Variants in ZNF718 observed in about 807,000 individuals in gnomAD.
The protein encoded by ZNF718 is zinc finger protein 718.
Under a neutral mutation model 2.6 loss-of-function variants are expected in ZNF718, and 3 were observed. That is an observed-to-expected ratio of 1.16 (90% CI 0.53 to 3.01). The LOEUF (loss-of-function observed/expected upper bound fraction) is 3.01, where lower values mean the gene tolerates loss of function less well. Among genes scored for constraint, ZNF718 ranks in the 30% most tolerant of loss-of-function variants. ZNF718 has a pLI of 0.03. For synonymous variants in ZNF718, 135 were observed against 77.9 expected, an observed-to-expected ratio of 1.73 and a Z score of -3.86; for missense variants, 468 against 230.0, an observed-to-expected ratio of 2.03 and a Z score of -6.69.
chr4:134,675 G>A (rs1383593132), intron 3 of ZNF718, among the ~76,000 whole-genome samples: 2 of 151,518 alleles, frequency 1.3e-5, no homozygotes, highest in African/African-American at 4.8e-5. Flanking sequence ...TAATCTCATC[G>A]GTTAAATTTA....
At position 162,135 on chromosome 4, in the gene ZNF718, T is replaced by C. The variant is rs782069875; in HGVS notation, c.*13T>C. On this transcript the variant is annotated 3_prime_UTR_variant, in exon 4 of 4. Transcript: ENST00000510175. ...AGGAAAATTTTAGAAATGTGAAGAATGTGGGAGCCTTTAAGTCTTCCTCAG... is the reference window on the plus strand; with the variant it reads ...AGGAAAATTTTAGAAATGTGAAGAACGTGGGAGCCTTTAAGTCTTCCTCAG... 1 of 708,100 alleles carries C rather than the reference T, an allele frequency of 1.4e-6. No homozygotes were observed. Among genetic ancestry groups the C allele is most frequent in the Middle Eastern group, 2.4e-4 (1 of 4,104 alleles). The allele number at this position is 708,100 out of a possible 1,614,324, so 43.9% of individuals were successfully genotyped here.
downstream of ZNF718, among the ~76,000 whole-genome samples, chr4:166,296 G>A (rs1264875167): frequency 5.9e-5 from 9 of 152,170 alleles, no homozygotes; most frequent in Non-Finnish European, 1.2e-4. Flanking sequence ...TGTGAATAGT[G>A]CTGCGATAAA....
At chr4:148,772 A>G (rs1286845971) in intron 3 of ZNF718, among the ~76,000 whole-genome samples, 1 of 152,156 alleles carries the variant, frequency 6.6e-6, no homozygotes, top group African/African-American at 2.4e-5. Context: ...TTTATAGATC[A>G]CAGGCAGGAC....
chr4:157,103 CTTTTTTTTTTTTTT>C lies in ZNF718; in HGVS notation c.227-3794_227-3781del, dbSNP rs199814257. On this transcript the variant is annotated intron_variant, in intron 3 of 3. Coordinates refer to ENST00000510175, the MANE Select transcript of ZNF718 (RefSeq NM_001039127.6). The stretch of plus-strand genomic sequence containing the variant: ...TTTCTTTTTGTTTCTTTCTTTCTTT[CTTTTTTTTTTTTTT>C]TTTTTTTTTTTTTTCAGACAGTTCC... 4.8e-5 allele frequency among the ~76,000 whole-genome samples: 5 copies of C among 103,162 alleles called. No individual in the cohort carries two copies. The South Asian group carries it at 1.5e-3, about 31-fold the overall frequency. The allele number at this position is 103,162 out of a possible 152,430, so 67.7% of individuals were successfully genotyped here.
At chr4:193,853 C>T (rs1479028624) in intron 3 of ZNF718, among the ~76,000 whole-genome samples, 1 of 152,196 alleles carries the variant, frequency 6.6e-6, no homozygotes, top group Non-Finnish European at 1.5e-5. Flanking sequence ...CCTTCATCCC[C>T]TGGGGCAGTG....
At chr4:124,799 G>A in intron 1 of ZNF718, 126 bp downstream of exon 1, 3 of 1,305,388 alleles carry the variant, frequency 2.3e-6, no homozygotes, top group Non-Finnish European at 3.2e-6. Flanking sequence ...GTCCCCTCCG[G>A]TGAGGGACCC....
intron 3 of ZNF718, among the ~76,000 whole-genome samples, chr4:145,184 G>A (rs1715996417): frequency 1.3e-5 from 2 of 152,100 alleles, no homozygotes; most frequent in African/African-American, 4.8e-5. Flanking sequence ...TCAAACAATA[G>A]CAATATGTTT....
chr4:161,577 C>G lies in ZNF718; in HGVS notation c.892C>G (p.Leu298Val), dbSNP rs782096660. The G allele has an allele frequency of 2.6e-6, 2 of 780,878 alleles. No individual in the cohort carries two copies. The highest frequency in any genetic ancestry group is 4.8e-6 in the Non-Finnish European group (2 of 418,050). 48.4% of individuals were successfully genotyped at this position (780,878 alleles called of 1,614,324 possible). ...CGKAFKWSSS[L>V]NEHKRIHAGE... Reference sequence around the variant, plus strand: ...TAAAGCCTTTAAGTGGTCCTCATCCCTTAATGAACATAAGAGAATTCATGC... The same window carrying G: ...TAAAGCCTTTAAGTGGTCCTCATCCGTTAATGAACATAAGAGAATTCATGC... Residue 298 changes from leucine (L) to valine (V), a missense_variant, in exon 4 of 4, where the codon CTT becomes GTT. Transcript: ENST00000510175.
downstream of ZNF718, among the ~76,000 whole-genome samples, chr4:166,462 A>G (rs1413683671): frequency 6.6e-6 from 1 of 152,192 alleles, no homozygotes; most frequent in Non-Finnish European, 1.5e-5. Context: ...TTACAGTCCC[A>G]CCAACAGTGT....
At chr4:170,244 T>A (rs1376520200) in intron 3 of ZNF718, among the ~76,000 whole-genome samples, 18 of 152,166 alleles carry the variant, frequency 1.2e-4, no homozygotes, top group Non-Finnish European at 2.1e-4. Context: ...CTTCCCTTTG[T>A]GGGTAACCCG....
intron 2 of ZNF718, 129 bp from the exon 3 acceptor site, chr4:131,281 C>T (rs1424781753): frequency 0.39 from 89,591 of 227,836 alleles, 34,923 homozygotes; most frequent in East Asian, 0.91. Context: ...CAGATTCTGT[C>T]GGAAAACAAT....
intron 3 of ZNF718, among the ~76,000 whole-genome samples, chr4:181,914 T>C (rs1717473095): frequency 1.3e-5 from 2 of 152,202 alleles, no homozygotes; most frequent in South Asian, 4.1e-4. Context: ...GAACATGCAG[T>C]ATTTGGTTTT....
chr4:136,619 CA>C (rs1251046284), intron 3 of ZNF718, among the ~76,000 whole-genome samples: 1 of 152,214 alleles, frequency 6.6e-6, no homozygotes, highest in Non-Finnish European at 1.5e-5. Context: ...CAACCCTAGC[CA>C]AAGGCAAGCA....
At chr4:188,373 A>G (rs1553820678) in intron 3 of ZNF718, among the ~76,000 whole-genome samples, 1 of 152,192 alleles carries the variant, frequency 6.6e-6, no homozygotes, top group African/African-American at 2.4e-5. Context: ...CCAAGCAGCA[A>G]AGATAGTGGC....
At chr4:173,477 A>G (rs1164661285) in intron 3 of ZNF718, among the ~76,000 whole-genome samples, 1 of 152,232 alleles carries the variant, frequency 6.6e-6, no homozygotes, top group Admixed American at 6.5e-5. Context: ...TCAGCTCAGC[A>G]GTCAGAGCTC....
At chr4:172,923 T>C (rs1398325333) in intron 3 of ZNF718, among the ~76,000 whole-genome samples, 1 of 152,046 alleles carries the variant, frequency 6.6e-6, no homozygotes, top group African/African-American at 2.4e-5. Context: ...GGTGCACCTG[T>C]AGTCCCAGCT....
At chr4:170,643 C>A (rs1010419044) in intron 3 of ZNF718, among the ~76,000 whole-genome samples, 3 of 152,184 alleles carry the variant, frequency 2.0e-5, no homozygotes, top group Non-Finnish European at 2.9e-5. Context: ...ATTGAATCAG[C>A]TACTGAGGTT....
intron 3 of ZNF718, among the ~76,000 whole-genome samples, chr4:189,923 T>C (rs1553820909): frequency 6.6e-6 from 1 of 152,210 alleles, no homozygotes; most frequent in East Asian, 1.9e-4. Flanking sequence ...TTTTAAAATA[T>C]TAAGCCAACA....
At chr4:180,363 G>A (rs1402761700) in intron 3 of ZNF718, among the ~76,000 whole-genome samples, 1 of 152,204 alleles carries the variant, frequency 6.6e-6, no homozygotes, top group East Asian at 1.9e-4. Flanking sequence ...TAGGCAGAAT[G>A]ATCAGTCTAG....
Sources: allele counts gnomAD v4.1 joint callset (sites outside exome capture counted in the v4.1 genomes callset), GRCh38; gene constraint gnomAD v4.1.1; transcripts MANE v1.5; gene names NCBI Gene and HGNC (gene_info 2026-07-23, HGNC 2026-07-21).